HOGA1: variants seen among roughly 807,000 people sequenced by gnomAD.
HOGA1 encodes 4-hydroxy-2-oxoglutarate aldolase 1.
Under a neutral mutation model 34.3 loss-of-function variants are expected in HOGA1, and 30 were observed. That is an observed-to-expected ratio of 0.87 (90% CI 0.65 to 1.19). The LOEUF is 1.19. Ranked by LOEUF, HOGA1 falls within the 50% of genes most tolerant of loss-of-function variation. HOGA1 has a pLI of 0.00. For missense variants in HOGA1, 417 were observed against 436.5 expected, an observed-to-expected ratio of 0.96 and a Z score of 0.40; for synonymous variants, 161 against 174.0, an observed-to-expected ratio of 0.93 and a Z score of 0.59.
chr10:97,591,834 T>TGTGTGC (rs1564756300), intron 1 of HOGA1, among the ~76,000 whole-genome samples: 1 of 147,604 alleles, frequency 6.8e-6, no homozygotes, highest in Non-Finnish European at 1.5e-5. Context: ...TGTGTGTGTG[T>TGTGTGC]GTGTGTGTGT....
At chr10:97,588,578 G>A (rs2135713865) in intron 1 of HOGA1, among the ~76,000 whole-genome samples, 1 of 152,292 alleles carries the variant, frequency 6.6e-6, no homozygotes, top group South Asian at 2.1e-4. Context: ...AGGGCTCTAT[G>A]GCCCTGAACT....
intron 1 of HOGA1, chr10:97,590,141 C>T (rs1444493947): frequency 6.2e-7 from 1 of 1,614,002 alleles, no homozygotes; most frequent in East Asian, 2.2e-5. Flanking sequence ...CACCACGAGG[C>T]ACGGAGAAGT....
At chr10:97,607,225 A>G (rs1015031929) in intron 6 of HOGA1, among the ~76,000 whole-genome samples, 1 of 151,998 alleles carries the variant, frequency 6.6e-6, no homozygotes, top group Non-Finnish European at 1.5e-5. Flanking sequence ...CCTCCACTGC[A>G]TTGCCTGTGT....
chr10:97,594,168 CTTTTTTTTTTTTTTT>C (rs71007354), intron 1 of HOGA1, among the ~76,000 whole-genome samples: 119 of 43,476 alleles, frequency 2.7e-3, no homozygotes, highest in African/African-American at 0.012. Context: ...TGCGCCTGGT[CTTTTTTTTTTTTTTT>C]TTTTTTTTTT....
At position 97,602,050 on chromosome 10, in the gene HOGA1, G is replaced by A. The variant is rs962100471; in HGVS notation, c.834+60G>A. 6 of 1,569,128 alleles carry A rather than the reference G, an allele frequency of 3.8e-6. No homozygotes were observed. In the African/African-American group the frequency reaches 5.4e-5, roughly 14 times the overall value. Reference sequence around the variant, plus strand: ...GGGGTGGGCAGTCTGTGTCCTCATTGGAGCAGGACCCAGGGCTGGCACCAG... The same window carrying A: ...GGGGTGGGCAGTCTGTGTCCTCATTAGAGCAGGACCCAGGGCTGGCACCAG... On this transcript the variant is annotated intron_variant, in intron 6 of 6. Transcript: ENST00000370646.
rs372397239 is a variant in HOGA1, at chr10:97,604,112, G to A, written c.834+2122G>A. 9.2e-5 allele frequency among the ~76,000 whole-genome samples: 14 copies of A among 152,188 alleles called. No individual in the cohort carries two copies. In the South Asian group the frequency reaches 1.0e-3, roughly 11 times the overall value. Reference sequence around the variant, plus strand: ...GCCTTCACAGGCTCCTTAACCTCTAGCAACCACACATACATTCACCATTTT... The same window carrying A: ...GCCTTCACAGGCTCCTTAACCTCTAACAACCACACATACATTCACCATTTT... On this transcript the variant is annotated intron_variant, in intron 6 of 6. Coordinates refer to ENST00000370646, the MANE Select transcript of HOGA1 (RefSeq NM_138413.4).
intron 1 of HOGA1, among the ~76,000 whole-genome samples, chr10:97,594,878 A>T (rs1282724860): frequency 6.6e-6 from 1 of 152,160 alleles, no homozygotes. Flanking sequence ...GAAGAGTTCT[A>T]GGGACCTTTG....
intron 1 of HOGA1, among the ~76,000 whole-genome samples, chr10:97,589,024 G>A (rs976277918): frequency 2.6e-5 from 4 of 152,090 alleles, no homozygotes; most frequent in Non-Finnish European, 4.4e-5. Context: ...TTTATGGGGG[G>A]GCAAATTCTG....
At chr10:97,590,615 C>T (rs1409504318) in intron 1 of HOGA1, 3 of 1,573,522 alleles carry the variant, frequency 1.9e-6, no homozygotes, top group Non-Finnish European at 2.6e-6. Context: ...GGAGACGCCC[C>T]TGCCCCCAGC....
intron 6 of HOGA1, among the ~76,000 whole-genome samples, chr10:97,607,568 C>T (rs1362766652): frequency 6.6e-6 from 1 of 152,214 alleles, no homozygotes; most frequent in African/African-American, 2.4e-5. Flanking sequence ...GGGTACGTAG[C>T]ACTGTGTTAC....
In HOGA1 at chr10:97,601,932, C is replaced by G. The variant is rs144103035; in HGVS notation, c.776C>G (p.Thr259Arg). 2 of 1,613,016 alleles carry G rather than the reference C, an allele frequency of 1.2e-6. No individual in the cohort carries two copies. Among genetic ancestry groups the G allele is most frequent in the African/African-American group, 2.7e-5 (2 of 74,914 alleles). The change falls in exon 6 of 7, where the codon ACG (threonine) becomes AGG (arginine). Residue 259 changes from threonine (T) to arginine (R), a missense_variant. Physicochemically the swap from Thr to Arg is moderately conservative, Grantham distance 71 (BLOSUM62 -1). Transcript: ENST00000370646. ...TGCCAGCTGGAGCGACTGTGCTGCA[C>G]GGGGCAATGGGAAGATGCCCAGAAA... is the stretch of plus-strand genomic sequence containing the variant. The part of the protein sequence containing the change: ...QVCQLERLCC[T>R]GQWEDAQKLQ...
chr10:97,590,761 G>A, intron 1 of HOGA1: 4 of 628,438 alleles, frequency 6.4e-6, no homozygotes, highest in Non-Finnish European at 1.1e-5. Context: ...CCATGAGTGG[G>A]GTCTGCCACA....
At position 97,602,691 on chromosome 10, in the gene HOGA1, T is replaced by G. The variant is rs192707304; in HGVS notation, c.834+701T>G. 71 of 743,910 alleles carry G rather than the reference T, an allele frequency of 9.5e-5. No individual in the cohort carries two copies. The East Asian group carries it at 8.0e-3, about 84-fold the overall frequency. 46.1% of individuals were successfully genotyped at this position (743,910 alleles called of 1,614,324 possible). ...TCTCTTTCTCTCTTTCTTTCTTTCC[T>G]TCTTTCTTTTTTTAGACAGAGTCTT... On this transcript the variant is annotated intron_variant, in intron 6 of 6. Coordinates refer to ENST00000370646, the MANE Select transcript of HOGA1 (RefSeq NM_138413.4).
intron 6 of HOGA1, among the ~76,000 whole-genome samples, chr10:97,608,585 G>A (rs1034853971): frequency 3.9e-5 from 6 of 152,164 alleles, no homozygotes; most frequent in East Asian, 1.9e-4. Flanking sequence ...CAGGCAGATC[G>A]CCTGAGGTCA....
At chr10:97,599,328 C>A in intron 3 of HOGA1, 112 bp downstream of exon 3, 1 of 1,285,572 alleles carries the variant, frequency 7.8e-7, no homozygotes, top group Non-Finnish European at 1.1e-6. Flanking sequence ...AACGGGTGGA[C>A]TGCCACCATG....
rs964063233 is a variant in HOGA1, at chr10:97,612,125, G to T, written c.*466G>T. 6 of 154,422 alleles carry T rather than the reference G, an allele frequency of 3.9e-5. No individual in the cohort carries two copies. Among genetic ancestry groups the T allele is most frequent in the Admixed American group, 3.9e-4 (6 of 15,516 alleles). The allele number at this position is 154,422 out of a possible 1,614,324, so 9.6% of individuals were successfully genotyped here. A position where few individuals can be genotyped will look rare whatever the true frequency, so the allele number is the denominator to read the frequency against. On this transcript the variant is annotated 3_prime_UTR_variant, in exon 7 of 7. Coordinates refer to ENST00000370646, the MANE Select transcript of HOGA1 (RefSeq NM_138413.4). The stretch of plus-strand genomic sequence containing the variant: ...AGCGATTCTCCTGCCTCAGCCTCCC[G>T]AGTAGCTGGGATTACAGGCGCCTGC...
At chr10:97,586,109 C>A (rs1463912083) in intron 1 of HOGA1, among the ~76,000 whole-genome samples, 2 of 149,344 alleles carry the variant, frequency 1.3e-5, no homozygotes, top group Non-Finnish European at 3.0e-5. Flanking sequence ...TGCACTCTAG[C>A]CCGGGCGACA....
rs2041207646 is a variant in HOGA1, at chr10:97,612,763, AT to A, written c.*1105del. The A allele has an allele frequency of 6.6e-6, 1 of 152,246 alleles. No homozygotes were observed. 9.4% of individuals were successfully genotyped at this position (152,246 alleles called of 1,614,324 possible). On this transcript the variant is annotated 3_prime_UTR_variant, in exon 7 of 7. Transcript: ENST00000370646. ...AGGCACTCTGCTTTTATTATTAAAA[AT>A]AGTCACTTTGTTACTATAATAAAAT...
chr10:97,585,107 T>C (rs2040957978), intron 1 of HOGA1, among the ~76,000 whole-genome samples, 193 bp downstream of exon 1: 1 of 152,214 alleles, frequency 6.6e-6, no homozygotes, highest in Non-Finnish European at 1.5e-5. Context: ...CACGCTGGCC[T>C]GTAACCTTAA....
Sources: allele counts gnomAD v4.1 joint callset (sites outside exome capture counted in the v4.1 genomes callset), GRCh38; gene constraint gnomAD v4.1.1; transcripts MANE v1.5; gene names NCBI Gene and HGNC (gene_info 2026-07-23, HGNC 2026-07-21).